Variants in MACROD2 observed in about 807,000 individuals in gnomAD.
The protein encoded by MACROD2 is mono-ADP ribosylhydrolase 2, also known as ADP-ribose glycohydrolase MACROD2.
MACROD2 carries 36 observed loss-of-function variants against 70.4 expected under a neutral mutation model. That is an observed-to-expected ratio of 0.51 (90% CI 0.39 to 0.68). The LOEUF (loss-of-function observed/expected upper bound fraction) is 0.68, where lower values mean the gene tolerates loss of function less well. MACROD2 is among the 30% of genes least tolerant of loss of function. The pLI is 0.00. For missense variants in MACROD2, 496 were observed against 538.4 expected (o/e 0.92, Z 0.78); for synonymous variants, 172 against 178.8 (o/e 0.96, Z 0.30).
chr20:15,056,628 C>T (rs969126120), intron 5 of MACROD2, among the ~76,000 whole-genome samples: 1 of 151,168 alleles, frequency 6.6e-6, no homozygotes, highest in African/African-American at 2.4e-5. Flanking sequence ...GTAAATTTAG[C>T]TGTTTAAAAA....
At chr20:14,192,965 A>C (rs1161228279) in intron 3 of MACROD2, among the ~76,000 whole-genome samples, 1 of 152,216 alleles carries the variant, frequency 6.6e-6, no homozygotes, top group Non-Finnish European at 1.5e-5. Flanking sequence ...AGCTGCACAA[A>C]TAATGTCACT....
intron 8 of MACROD2, among the ~76,000 whole-genome samples, chr20:15,722,916 T>A (rs1178199887): frequency 6.6e-6 from 1 of 152,160 alleles, no homozygotes; most frequent in Admixed American, 6.6e-5. Flanking sequence ...ACTAGAGATA[T>A]GATTTTATTT....
chr20:15,010,998 C>G (rs2075078522), intron 5 of MACROD2, among the ~76,000 whole-genome samples: 1 of 152,136 alleles, frequency 6.6e-6, no homozygotes, highest in African/African-American at 2.4e-5. Context: ...ACTGCAACTA[C>G]CAAATATAAA....
At chr20:14,779,920 G>A (rs1341510296) in intron 5 of MACROD2, among the ~76,000 whole-genome samples, 2 of 151,996 alleles carry the variant, frequency 1.3e-5, no homozygotes, top group Non-Finnish European at 2.9e-5. Context: ...GTAGTTTGTT[G>A]CTATGAGCCA....
chr20:14,784,791 C>T (rs1392227197), intron 5 of MACROD2, among the ~76,000 whole-genome samples: 1 of 151,470 alleles, frequency 6.6e-6, no homozygotes, highest in Non-Finnish European at 1.5e-5. Flanking sequence ...TTCATTGTTG[C>T]CGAAATAATA....
intron 3 of MACROD2, among the ~76,000 whole-genome samples, chr20:14,177,895 A>G (rs970721904): frequency 6.6e-6 from 1 of 152,210 alleles, no homozygotes. Flanking sequence ...AAACCATACA[A>G]GCACTAGAAG....
intron 5 of MACROD2, among the ~76,000 whole-genome samples, chr20:14,916,508 A>C (rs1159556810): frequency 6.6e-6 from 1 of 152,230 alleles, no homozygotes; most frequent in African/African-American, 2.4e-5. Context: ...AGAAATGATC[A>C]TATCTGCCTC....
intron 3 of MACROD2, among the ~76,000 whole-genome samples, chr20:14,277,913 T>C (rs1339838884): frequency 6.6e-6 from 1 of 152,234 alleles, no homozygotes; most frequent in Non-Finnish European, 1.5e-5. Flanking sequence ...TATTTCACCA[T>C]TCAGCATTAG....
intron 6 of MACROD2, among the ~76,000 whole-genome samples, chr20:15,354,205 G>C (rs529117423): frequency 6.6e-6 from 1 of 151,868 alleles, no homozygotes; most frequent in South Asian, 2.1e-4. Context: ...TTGTAGGGAC[G>C]TGGATGAAGC....
rs71190201 is a variant in MACROD2 at position 15,801,482 on chromosome 20, GA to G, written c.646-61251del. On this transcript the variant is annotated intron_variant, in intron 8 of 17. Coordinates refer to ENST00000684519, the MANE Select transcript of MACROD2 (RefSeq NM_001351661.2). The stretch of plus-strand genomic sequence containing the variant: ...GCTTTAATAAATTAATATCAAACAT[GA>G]AAAAAAAAAAAGAAAATCAGTTGGC... 6.0e-3 allele frequency among the ~76,000 whole-genome samples: 856 copies of G among 143,254 alleles called. 12 individuals carry two copies. The highest frequency in any genetic ancestry group is 0.015 in the East Asian group (75 of 4,960). The allele number at this position is 143,254 out of a possible 152,430, so 94.0% of individuals were successfully genotyped here. A position where few individuals can be genotyped will look rare whatever the true frequency, so the allele number is the denominator to read the frequency against.
chr20:15,413,529 C>A (rs948343176), intron 6 of MACROD2, among the ~76,000 whole-genome samples: 1 of 152,072 alleles, frequency 6.6e-6, no homozygotes, highest in Non-Finnish European at 1.5e-5. Context: ...GGAAGGAAGA[C>A]TTCCCCTCAG....
chr20:15,483,085 T>A (rs2047119977), intron 7 of MACROD2, among the ~76,000 whole-genome samples: 1 of 152,230 alleles, frequency 6.6e-6, no homozygotes, highest in Non-Finnish European at 1.5e-5. Context: ...AAATTTAGCT[T>A]ATTTTTTTCA....
At chr20:15,961,267 AG>A (rs1254180869) in intron 12 of MACROD2, among the ~76,000 whole-genome samples, 2 of 152,156 alleles carry the variant, frequency 1.3e-5, no homozygotes, top group Non-Finnish European at 2.9e-5. Context: ...TCTAGGTGTC[AG>A]GAATAAATTG....
At chr20:15,392,977 G>A (rs1303298134) in intron 6 of MACROD2, among the ~76,000 whole-genome samples, 1 of 152,000 alleles carries the variant, frequency 6.6e-6, no homozygotes, top group Non-Finnish European at 1.5e-5. Context: ...GGTTTGAGAA[G>A]CATGGGATAA....
intron 15 of MACROD2, among the ~76,000 whole-genome samples, chr20:16,035,139 T>C: frequency 1.0e-5 from 1 of 99,026 alleles, no homozygotes; most frequent in Admixed American, 1.1e-4. Context: ...TTATATATTA[T>C]ATATTATATA....
At chr20:14,040,793 T>C (rs1447384548) in intron 2 of MACROD2, among the ~76,000 whole-genome samples, 1 of 152,232 alleles carries the variant, frequency 6.6e-6, no homozygotes, top group Non-Finnish European at 1.5e-5. Flanking sequence ...GTTATGACAT[T>C]ATGGAACCAC....
intron 5 of MACROD2, among the ~76,000 whole-genome samples, chr20:15,205,778 C>T (rs954988207): frequency 2.0e-5 from 3 of 152,204 alleles, no homozygotes; most frequent in Non-Finnish European, 2.9e-5. Context: ...TTTGATTTTA[C>T]AGAATCACTT....
intron 15 of MACROD2, among the ~76,000 whole-genome samples, chr20:16,010,337 T>C (rs2066846912): frequency 6.6e-6 from 1 of 152,148 alleles, no homozygotes; most frequent in Non-Finnish European, 1.5e-5. Context: ...CATTTTGCTC[T>C]GTGTACAAAA....
chr20:14,090,926 CAA>C (rs2054140426), intron 3 of MACROD2, among the ~76,000 whole-genome samples: 1 of 152,118 alleles, frequency 6.6e-6, no homozygotes, highest in Non-Finnish European at 1.5e-5. Context: ...TTCAACATGA[CAA>C]AAGCCATTCC....
Sources: allele counts gnomAD v4.1 joint callset (sites outside exome capture counted in the v4.1 genomes callset), GRCh38; gene constraint gnomAD v4.1.1; transcripts MANE v1.5; gene names NCBI Gene and HGNC (gene_info 2026-07-23, HGNC 2026-07-21).